VSIG10: variants seen among roughly 807,000 people sequenced by gnomAD.
VSIG10 encodes V-set and immunoglobulin domain containing 10.
Under a neutral mutation model 58.7 loss-of-function variants are expected in VSIG10, and 48 were observed. The observed-to-expected ratio is 0.82, with a 90% CI of 0.65 to 1.04. The LOEUF is 1.04. Ranked by LOEUF, VSIG10 falls within the 50% of genes least tolerant of loss-of-function variation. The pLI is 0.00. For synonymous variants in VSIG10, 260 were observed against 267.1 expected (o/e 0.97, Z 0.26); for missense variants, 628 against 670.0 (o/e 0.94, Z 0.69).
chr12:118,074,023 G>C, intron 4 of VSIG10, 31 bp from the exon 5 acceptor site: 1 of 1,516,716 alleles, frequency 6.6e-7, no homozygotes, highest in Non-Finnish European at 8.8e-7. Context: ...AAAGACAAAT[G>C]TTTAAAGAGA....
At position 118,066,517 on chromosome 12, in the gene VSIG10, C is replaced by G. The variant is rs1316688187; in HGVS notation, c.*122G>C. On this transcript the variant is annotated 3_prime_UTR_variant, in exon 9 of 9. Coordinates refer to ENST00000359236, the MANE Select transcript of VSIG10 (RefSeq NM_019086.6). ...CTTGGTTTTGTTTTTTGCTGAGACCCAAACATTGTTAGTGCAAGCCCCCGC... is the reference window on the plus strand; with the variant it reads ...CTTGGTTTTGTTTTTTGCTGAGACCGAAACATTGTTAGTGCAAGCCCCCGC... The G allele has an allele frequency of 3.8e-6, 4 of 1,045,144 alleles. No homozygotes were observed. The highest frequency in any genetic ancestry group is 5.9e-6 in the Non-Finnish European group (4 of 673,564). 64.7% of individuals were successfully genotyped at this position (1,045,144 alleles called of 1,614,324 possible). A position where few individuals can be genotyped will look rare whatever the true frequency, so the allele number is the denominator to read the frequency against.
In VSIG10 at chr12:118,080,166, T is replaced by C. The variant is rs531597656; in HGVS notation, c.665-560A>G. Among the ~76,000 whole-genome samples the C allele has an allele frequency of 1.3e-4, 18 of 139,412 alleles. No homozygotes were observed. The South Asian group carries it at 3.8e-3, about 30-fold the overall frequency. The allele number at this position is 139,412 out of a possible 152,430, so 91.5% of individuals were successfully genotyped here. A position where few individuals can be genotyped will look rare whatever the true frequency, so the allele number is the denominator to read the frequency against. ...TGCATTTCTTATTTATTTTTTCTTT[T>C]CTTTTTTTTTTTTAATAGAGACAGG... On this transcript the variant is annotated intron_variant, in intron 3 of 8. Transcript: ENST00000359236.
chr12:118,070,456 G>T (rs184424560), intron 7 of VSIG10, among the ~76,000 whole-genome samples: 3 of 150,986 alleles, frequency 2.0e-5, no homozygotes, highest in Admixed American at 6.6e-5. Flanking sequence ...GCTGAGGCAG[G>T]AGAATGGCCT....
At chr12:118,081,108 G>A (rs2032933174) in intron 3 of VSIG10, among the ~76,000 whole-genome samples, 1 of 151,816 alleles carries the variant, frequency 6.6e-6, no homozygotes, top group South Asian at 2.1e-4. Context: ...GGACATGGTG[G>A]TACCTGCCTG....
At chr12:118,070,547 C>CAAAAAAAAAAAAAA (rs10607174) in intron 7 of VSIG10, among the ~76,000 whole-genome samples, 2 of 111,642 alleles carry the variant, frequency 1.8e-5, no homozygotes, top group Admixed American at 9.1e-5. Flanking sequence ...GATTCTGTCT[C>CAAAAAAAAAAAAAA]AAAAAAAAAA....
At position 118,071,438 on chromosome 12, in the gene VSIG10, G is replaced by A. The variant is rs2032489168; in HGVS notation, c.1251C>T (p.Thr417=). The change falls in exon 6 of 9, where the codon ACC becomes ACT. Residue 417 remains threonine (T), a synonymous_variant. Transcript: ENST00000359236. ...GTCCCAGCAGAAGGAGGCTCACAAT[G>A]GTTCCCACAATCCCCCCGATATTTA... ...EPLNIGGIVG[T]IVSLLLLGLA... is the part of the protein sequence containing the mutation. 1 of 1,613,770 alleles carries A rather than the reference G, an allele frequency of 6.2e-7. No individual in the cohort carries two copies. The highest frequency in any genetic ancestry group is 1.3e-5 in the African/African-American group (1 of 74,888).
At chr12:118,092,740 A>G (rs1486623038) in intron 2 of VSIG10, among the ~76,000 whole-genome samples, 1 of 151,504 alleles carries the variant, frequency 6.6e-6, no homozygotes, top group African/African-American at 2.4e-5. Context: ...GGCTCAAGCA[A>G]TCCTCCCACC....
Position 118,073,925 on chromosome 12 carries a change from G to A in VSIG10, c.993C>T (p.Cys331=). Residue 331 remains cysteine (C), a synonymous_variant, in exon 5 of 9, where the codon TGC becomes TGT. Transcript: ENST00000359236. ...CFTGGNVTLT[C]QVSGAYPPAK... ...CAGGGGGGTAGGCCCCAGACACCTG[G>A]CATGTAAGCGTCACATTGCCCCCAG... The A allele has an allele frequency of 1.2e-6, 2 of 1,611,820 alleles. No homozygotes were observed. The highest frequency in any genetic ancestry group is 4.5e-5 in the East Asian group (2 of 44,844).
At chr12:118,082,051 A>T in intron 3 of VSIG10, 76 bp downstream of exon 3, 195 of 1,015,084 alleles carry the variant, frequency 1.9e-4, no homozygotes, top group Non-Finnish European at 2.5e-4. Flanking sequence ...CAAATGGGAG[A>T]GGCACAAACG....
Position 118,068,537 on chromosome 12 carries a change from C to T in VSIG10, c.1407G>A (p.Glu469=), listed in dbSNP as rs1250009971. The T allele has an allele frequency of 6.2e-7, 1 of 1,605,262 alleles. No homozygotes were observed. The highest frequency in any genetic ancestry group is 8.5e-7 in the Non-Finnish European group (1 of 1,175,454). ...LVDSEEEEEE[E]EEEEEDAAVG... ...CTGCAGCATCTTCCTCCTCCTCCTC[C>T]TCCTCCTCCTCTTCCTCTTCTGAAT... Residue 469 remains glutamate, a synonymous_variant, in exon 8 of 9, where the codon GAG becomes GAA. Coordinates refer to ENST00000359236, the MANE Select transcript of VSIG10 (RefSeq NM_019086.6).
rs143858447 is a variant in VSIG10 at position 118,098,225 on chromosome 12, C to A, written c.80-2411G>T. Among the ~76,000 whole-genome samples, 947 of 151,402 alleles carry A rather than the reference C, an allele frequency of 6.3e-3. 10 individuals carry two copies. The highest frequency in any genetic ancestry group is 0.021 in the African/African-American group (874 of 41,254). On this transcript the variant is annotated intron_variant, in intron 1 of 8. Coordinates refer to ENST00000359236, the MANE Select transcript of VSIG10 (RefSeq NM_019086.6). ...TTTGTTTCCACTGTCCCACTGCTCT[C>A]TCTGCCTCTCCCTCTCTCTCCGCCT...
chr12:118,088,244 A>T (rs2033192004), intron 2 of VSIG10, among the ~76,000 whole-genome samples: 1 of 151,740 alleles, frequency 6.6e-6, no homozygotes, highest in Admixed American at 6.6e-5. Flanking sequence ...GTCTCAGAAA[A>T]AAAAAAAAAA....
chr12:118,068,265 G>T, intron 8 of VSIG10, 112 bp downstream of exon 8: 1 of 996,936 alleles, frequency 1.0e-6, no homozygotes, highest in Non-Finnish European at 1.5e-6. Flanking sequence ...GAACTTCTGG[G>T]CTTAAGTGAT....
chr12:118,068,939 T>C (rs2032368466), intron 7 of VSIG10, among the ~76,000 whole-genome samples: 1 of 152,124 alleles, frequency 6.6e-6, no homozygotes, highest in South Asian at 2.1e-4. Flanking sequence ...ATCTCTCCCC[T>C]TCCTCATTTT....
At chr12:118,090,807 T>A (rs917713375) in intron 2 of VSIG10, among the ~76,000 whole-genome samples, 1 of 152,144 alleles carries the variant, frequency 6.6e-6, no homozygotes, top group Non-Finnish European at 1.5e-5. Context: ...GATGAGCCAC[T>A]GTGCCCAGCC....
chr12:118,093,975 C>T (rs1307950058), intron 2 of VSIG10, among the ~76,000 whole-genome samples: 1 of 152,054 alleles, frequency 6.6e-6, no homozygotes, highest in Non-Finnish European at 1.5e-5. Context: ...ACAAAGCAGG[C>T]AATGTATTAT....
At position 118,066,021 on chromosome 12, in the gene VSIG10, G is replaced by C. The variant is rs1593483849; in HGVS notation, c.*618C>G. ...TAGCCCATGAAAGAAGGAAGCAACA[G>C]AGCCCAGATTCAACTTCAGGTGTTT... On this transcript the variant is annotated 3_prime_UTR_variant, in exon 9 of 9. Coordinates refer to ENST00000359236, the MANE Select transcript of VSIG10 (RefSeq NM_019086.6). 1 of 153,032 alleles carries C rather than the reference G, an allele frequency of 6.5e-6. No individual in the cohort carries two copies. 9.5% of individuals were successfully genotyped at this position (153,032 alleles called of 1,614,324 possible).
chr12:118,068,834 TTG>T (rs2032364705), intron 7 of VSIG10, among the ~76,000 whole-genome samples: 1 of 152,128 alleles, frequency 6.6e-6, no homozygotes, highest in South Asian at 2.1e-4. Flanking sequence ...GGTGACCATA[TTG>T]TCCCAGGCAT....
intron 1 of VSIG10, among the ~76,000 whole-genome samples, chr12:118,098,887 C>T (rs2033547072): frequency 6.7e-6 from 1 of 149,382 alleles, no homozygotes; most frequent in African/African-American, 2.5e-5. Context: ...TTTAACAAAT[C>T]AGCAATTATT....
Sources: gnomAD v4.1 joint callset for allele counts (sites outside exome capture counted in the v4.1 genomes callset) on GRCh38, gnomAD v4.1.1 for gene constraint, MANE v1.5 for transcripts, NCBI Gene and HGNC (gene_info 2026-07-23, HGNC 2026-07-21) for gene names.